The following EHBP1 variants were observed in gnomAD, a reference collection of about 807,000 sequenced individuals.
EHBP1 encodes EH domain binding protein 1, also known as EH domain-binding protein 1.
Under a neutral mutation model 144.0 loss-of-function variants are expected in EHBP1, and 55 were observed. The ratio of observed to expected loss-of-function variants is 0.38; its 90% CI spans 0.31 to 0.48. The LOEUF is 0.48. EHBP1 is among the 20% of genes least tolerant of loss of function. EHBP1 has a pLI of 0.98. For synonymous variants in EHBP1, 469 were observed against 472.7 expected (o/e 0.99, Z 0.10); for missense variants, 1,200 against 1,364.2 (o/e 0.88, Z 1.90).
At chr2:63,014,715 C>T (rs1036131390) in intron 19 of EHBP1, among the ~76,000 whole-genome samples, 6 of 152,186 alleles carry the variant, frequency 3.9e-5, no homozygotes, top group Non-Finnish European at 7.3e-5. Context: ...CACAGGCTCA[C>T]GCCTGTAATC....
intron 5 of EHBP1, among the ~76,000 whole-genome samples, chr2:62,801,046 A>G (rs534258499): frequency 9.2e-5 from 14 of 152,326 alleles, no homozygotes; most frequent in African/African-American, 2.6e-4. Flanking sequence ...GGATTTTTAT[A>G]TCCTGTTTAT....
chr2:62,898,317 T>C (rs572446779), intron 10 of EHBP1, among the ~76,000 whole-genome samples: 1 of 152,226 alleles, frequency 6.6e-6, no homozygotes, highest in African/African-American at 2.4e-5. Context: ...GGCACAGTTA[T>C]TGTTTTCTTT....
intron 5 of EHBP1, among the ~76,000 whole-genome samples, chr2:62,795,043 G>GA (rs879782651): frequency 7.0e-5 from 10 of 143,600 alleles, no homozygotes; most frequent in Non-Finnish European, 9.2e-5. Context: ...TGTATACACA[G>GA]AAAAAAAAAA....
chr2:62,907,135 T>G (rs1225161683), intron 10 of EHBP1, among the ~76,000 whole-genome samples: 2 of 152,236 alleles, frequency 1.3e-5, no homozygotes, highest in African/African-American at 4.8e-5. Context: ...AAAAGTTTTC[T>G]TTTCTCTGGC....
chr2:63,019,073 T>A (rs186264912), intron 19 of EHBP1, among the ~76,000 whole-genome samples: 1 of 152,324 alleles, frequency 6.6e-6, no homozygotes, highest in Admixed American at 6.5e-5. Context: ...GACTTCTTTG[T>A]GAAAGGGCCA....
At chr2:62,978,055 T>C (rs2058794346) in intron 14 of EHBP1, among the ~76,000 whole-genome samples, 1 of 152,126 alleles carries the variant, frequency 6.6e-6, no homozygotes, top group Non-Finnish European at 1.5e-5. Flanking sequence ...GGTTCGGAGA[T>C]GTTAAGGGGA....
At chr2:62,953,837 T>A (rs1247329196) in intron 13 of EHBP1, among the ~76,000 whole-genome samples, 1 of 152,198 alleles carries the variant, frequency 6.6e-6, no homozygotes, top group Non-Finnish European at 1.5e-5. Flanking sequence ...GGTGATTTGA[T>A]TTTGGTCTTA....
intron 9 of EHBP1, among the ~76,000 whole-genome samples, chr2:62,865,460 A>T (rs1026891594): frequency 2.0e-5 from 3 of 152,202 alleles, no homozygotes; most frequent in African/African-American, 7.2e-5. Context: ...CTGTGTAATT[A>T]GGGCTGCCAT....
chr2:62,752,655 G>A (rs988219990), intron 3 of EHBP1, among the ~76,000 whole-genome samples: 27 of 152,208 alleles, frequency 1.8e-4, no homozygotes, highest in African/African-American at 6.0e-4. Flanking sequence ...TTATGAATCC[G>A]GGTGCTCCTG....
At chr2:62,697,174 G>A (rs360805) in intron 1 of EHBP1, among the ~76,000 whole-genome samples, 30,920 of 152,110 alleles carry the variant, frequency 0.2, 3,240 homozygotes, top group Middle Eastern at 0.29. Flanking sequence ...GCATGTGTTA[G>A]TTTTGCATAT....
intron 3 of EHBP1, among the ~76,000 whole-genome samples, chr2:62,760,663 T>C (rs1174887996): frequency 2.0e-5 from 3 of 152,188 alleles, no homozygotes; most frequent in Non-Finnish European, 2.9e-5. Context: ...TTTTGATCAC[T>C]GTGTCATACA....
intron 14 of EHBP1, among the ~76,000 whole-genome samples, chr2:62,975,671 C>CCTAG (rs34618737): frequency 0.094 from 14,313 of 151,798 alleles, 873 homozygotes; most frequent in Non-Finnish European, 0.14. Flanking sequence ...ATGACTTGAG[C>CCTAG]CTAGGAGTTT....
Position 62,990,768 on chromosome 2 carries a change from G to C in EHBP1, c.2661G>C (p.Gln887His), listed in dbSNP as rs1162363667. ...AGCTGAAGAAGCTCCTAGAAGTTCA[G>C]CCACAGGTGGCAAATTCACCCTCCA... ...DLKLKKLLEV[Q>H]PQVANSPSSA... The change falls in exon 16 of 23, where the codon CAG (glutamine) becomes CAC (histidine). Residue 887 changes from glutamine (Q) to histidine (H), a missense_variant. This residue lies in a region of EHBP1 where 543 missense variants were observed against 513.1 expected (regional missense o/e 1.06). Transcript: ENST00000431489. 6.2e-7 allele frequency: 1 copy of C among 1,613,798 alleles called. No homozygotes were observed. Among genetic ancestry groups the C allele is most frequent in the Non-Finnish European group, 8.5e-7 (1 of 1,179,888 alleles).
At chr2:62,998,007 A>T (rs2059709724) in intron 19 of EHBP1, among the ~76,000 whole-genome samples, 1 of 152,152 alleles carries the variant, frequency 6.6e-6, no homozygotes, top group Non-Finnish European at 1.5e-5. Context: ...ATTTGAAAAA[A>T]AGGTTCTACT....
At chr2:62,677,445 G>T (rs1004153872) in intron 1 of EHBP1, among the ~76,000 whole-genome samples, 2 of 151,958 alleles carry the variant, frequency 1.3e-5, no homozygotes, top group Non-Finnish European at 2.9e-5. Flanking sequence ...TAATAATCAC[G>T]TTGGGTAAAT....
chr2:63,019,566 G>A (rs996971688), intron 19 of EHBP1, among the ~76,000 whole-genome samples: 1 of 151,760 alleles, frequency 6.6e-6, no homozygotes, highest in African/African-American at 2.4e-5. Context: ...AATTAGCCGG[G>A]TGTGGTGGCA....
intron 7 of EHBP1, among the ~76,000 whole-genome samples, chr2:62,851,378 C>T (rs368934850): frequency 3.5e-4 from 54 of 152,284 alleles, no homozygotes; most frequent in African/African-American, 1.3e-3. Context: ...TCCCTTTGTC[C>T]TCATCCATAT....
At chr2:63,030,789 CT>C (rs1226186842) in intron 19 of EHBP1, among the ~76,000 whole-genome samples, 2,088 of 85,136 alleles carry the variant, frequency 0.025, 10 homozygotes, top group Non-Finnish European at 0.034. Context: ...GCACACCCAG[CT>C]TTTTTTTTTT....
At chr2:62,925,110 A>G (rs532024194) in intron 10 of EHBP1, among the ~76,000 whole-genome samples, 117 of 152,368 alleles carry the variant, frequency 7.7e-4, no homozygotes, top group Non-Finnish European at 1.2e-3. Flanking sequence ...GATGAAAACC[A>G]TATGATCATC....
Sources: gnomAD v4.1 joint callset for allele counts (sites outside exome capture counted in the v4.1 genomes callset) on GRCh38, gnomAD v4.1.1 for gene constraint, gnomAD v4.1.1 regional missense constraint, MANE v1.5 for transcripts, NCBI Gene and HGNC (gene_info 2026-07-23, HGNC 2026-07-21) for gene names.